The following SYT1 variants were observed in gnomAD, a reference collection of about 807,000 sequenced individuals.
The protein encoded by SYT1 is synaptotagmin 1.
A neutral mutation model predicts 44.8 loss-of-function variants in SYT1; 8 were observed. That is an observed-to-expected ratio of 0.18 (90% CI 0.10 to 0.32). The LOEUF (loss-of-function observed/expected upper bound fraction) is 0.32. Among genes scored for constraint, SYT1 ranks in the 10% least tolerant of loss-of-function variants. The pLI is 1.00. For synonymous variants in SYT1, 154 were observed against 188.8 expected (o/e 0.82, Z 1.51); for missense variants, 286 against 509.3 (o/e 0.56, Z 4.22).
intron 3 of SYT1, among the ~76,000 whole-genome samples, chr12:79,124,517 G>A (rs746787929): frequency 1.3e-5 from 2 of 151,672 alleles, no homozygotes; most frequent in Non-Finnish European, 2.9e-5. Flanking sequence ...TAAATAACAG[G>A]GTATTACTCT....
At chr12:78,881,447 A>G (rs1252838667) in intron 1 of SYT1, among the ~76,000 whole-genome samples, 1 of 151,734 alleles carries the variant, frequency 6.6e-6, no homozygotes, top group Non-Finnish European at 1.5e-5. Flanking sequence ...CTGGGTTTAA[A>G]GATTGTGTCT....
intron 8 of SYT1, among the ~76,000 whole-genome samples, chr12:79,316,296 A>G (rs1303414388): frequency 1.3e-5 from 2 of 152,146 alleles, no homozygotes; most frequent in African/African-American, 4.8e-5. Context: ...TCAGCTCAAG[A>G]TGATGTTTAT....
At chr12:78,976,865 C>T (rs537480903) in intron 1 of SYT1, among the ~76,000 whole-genome samples, 5 of 152,210 alleles carry the variant, frequency 3.3e-5, no homozygotes, top group South Asian at 2.1e-4. Context: ...CAGCTGATAA[C>T]GTGAATTCTG....
intron 9 of SYT1, chr12:79,393,799 T>C (rs1884765140): frequency 6.6e-6 from 1 of 152,228 alleles, no homozygotes; most frequent in South Asian, 2.1e-4. Flanking sequence ...AGAAACTCTT[T>C]CGTTTAATTA....
chr12:79,195,458 CAG>C (rs1180722705), intron 3 of SYT1, among the ~76,000 whole-genome samples: 6 of 146,756 alleles, frequency 4.1e-5, no homozygotes, highest in African/African-American at 1.5e-4. Flanking sequence ...TTGATTAATT[CAG>C]AGTTATCCTT....
At chr12:79,017,813 G>T (rs1245664351) in intron 2 of SYT1, among the ~76,000 whole-genome samples, 1 of 152,076 alleles carries the variant, frequency 6.6e-6, no homozygotes, top group Non-Finnish European at 1.5e-5. Context: ...GAAATAAATA[G>T]ATAGAAAGAG....
rs528369652 is a variant in SYT1, at chr12:79,386,672, G to A, written c.928+33053G>A. On this transcript the variant is annotated intron_variant, in intron 9 of 10. Transcript: ENST00000261205. ...TATTCCTGGTATTCCCTGGTGTTTC[G>A]ATCTTTTACACACCTATTAGAACCA... Among the ~76,000 whole-genome samples the A allele has an allele frequency of 1.8e-4, 27 of 152,096 alleles. No individual in the cohort carries two copies. In the East Asian group the frequency reaches 5.2e-3, roughly 29 times the overall value.
In SYT1 at chr12:79,349,060, G is replaced by GAAAGAAA. The variant is rs1565920027; in HGVS notation, c.811-4442_811-4441insAAAGAAA. The stretch of plus-strand genomic sequence containing the variant: ...AAGAAAGAAAGAAAGAAAGAAAGGA[G>GAAAGAAA]GGAGGGAGGGAGGGAGGGAAGGAAG... On this transcript the variant is annotated intron_variant, in intron 8 of 10. Coordinates refer to ENST00000261205, the MANE Select transcript of SYT1 (RefSeq NM_005639.3). Among the ~76,000 whole-genome samples the GAAAGAAA allele has an allele frequency of 3.4e-3, 441 of 128,772 alleles. 8 individuals are homozygous for GAAAGAAA. The highest frequency in any genetic ancestry group is 0.013 in the African/African-American group (394 of 31,334). 84.5% of individuals were successfully genotyped at this position (128,772 alleles called of 152,430 possible).
chr12:79,048,003 T>A (rs1874199717), intron 3 of SYT1, among the ~76,000 whole-genome samples: 1 of 151,878 alleles, frequency 6.6e-6, no homozygotes, highest in Non-Finnish European at 1.5e-5. Flanking sequence ...ATATAAAATT[T>A]TCAAGATGCA....
At chr12:79,168,986 A>G (rs750728972) in intron 3 of SYT1, among the ~76,000 whole-genome samples, 7 of 151,988 alleles carry the variant, frequency 4.6e-5, no homozygotes, top group Non-Finnish European at 8.8e-5. Flanking sequence ...TGCAGCAATC[A>G]CCAGTTGAAT....
chr12:79,398,020 A>G (rs1217502429), intron 9 of SYT1, among the ~76,000 whole-genome samples: 1 of 152,224 alleles, frequency 6.6e-6, no homozygotes, highest in Non-Finnish European at 1.5e-5. Context: ...TAGATTCCAA[A>G]TCACTGCTTA....
chr12:78,944,239 C>T (rs1878536135), intron 1 of SYT1, among the ~76,000 whole-genome samples: 1 of 114,716 alleles, frequency 8.7e-6, no homozygotes, highest in Non-Finnish European at 1.9e-5. Context: ...TGGCAAGTAC[C>T]ATGCCAATCC....
intron 1 of SYT1, among the ~76,000 whole-genome samples, chr12:78,899,710 T>C (rs531331000): frequency 6.6e-6 from 1 of 152,026 alleles, no homozygotes; most frequent in Non-Finnish European, 1.5e-5. Context: ...AAACTTAGCA[T>C]AATTGGATTT....
chr12:79,068,466 CTG>C (rs1188994626), intron 3 of SYT1, among the ~76,000 whole-genome samples: 1 of 152,086 alleles, frequency 6.6e-6, no homozygotes, highest in African/African-American at 2.4e-5. Flanking sequence ...TGGGGATAAA[CTG>C]TTCACATATG....
At chr12:79,044,881 G>A (rs1249687686) in intron 2 of SYT1, among the ~76,000 whole-genome samples, 3 of 151,774 alleles carry the variant, frequency 2.0e-5, no homozygotes, top group Non-Finnish European at 4.4e-5. Flanking sequence ...GTTGGAGTAC[G>A]CTGCCGTGTG....
At chr12:78,992,585 G>A (rs747090334) in intron 2 of SYT1, among the ~76,000 whole-genome samples, 14 of 152,224 alleles carry the variant, frequency 9.2e-5, no homozygotes, top group African/African-American at 1.4e-4. Flanking sequence ...ATTTCTTACC[G>A]TGTGTAAAAG....
intron 3 of SYT1, among the ~76,000 whole-genome samples, chr12:79,054,544 A>T (rs553051553): frequency 1.3e-5 from 2 of 151,994 alleles, no homozygotes; most frequent in Non-Finnish European, 2.9e-5. Context: ...TTAGATTTTT[A>T]TACATGCTAC....
At chr12:79,017,630 G>A (rs752212526) in intron 2 of SYT1, among the ~76,000 whole-genome samples, 5 of 152,110 alleles carry the variant, frequency 3.3e-5, no homozygotes, top group Non-Finnish European at 7.4e-5. Context: ...GCCAGAACAT[G>A]TAAGAGTTGG....
chr12:79,234,077 C>G (rs1459898490), intron 4 of SYT1, among the ~76,000 whole-genome samples: 2 of 152,160 alleles, frequency 1.3e-5, no homozygotes, highest in Non-Finnish European at 2.9e-5. Flanking sequence ...CTCTAATTCT[C>G]TTTCTTTCCT....
Sources: allele counts gnomAD v4.1 joint callset (sites outside exome capture counted in the v4.1 genomes callset), GRCh38; gene constraint gnomAD v4.1.1; transcripts MANE v1.5; gene names NCBI Gene and HGNC (gene_info 2026-07-23, HGNC 2026-07-21).